Variants in SYNPR observed in about 807,000 individuals in gnomAD.
The protein encoded by SYNPR is synaptoporin.
SYNPR carries 23 observed loss-of-function variants against 32.9 expected under a neutral mutation model. The observed-to-expected ratio is 0.70, with a 90% CI of 0.50 to 0.99. The LOEUF is 0.99. Among genes scored for constraint, SYNPR ranks in the 50% least tolerant of loss-of-function variants. The pLI is 0.00. For synonymous variants in SYNPR, 146 were observed against 135.9 expected (o/e 1.07, Z -0.52); for missense variants, 318 against 349.3 (o/e 0.91, Z 0.71).
At chr3:63,582,962 A>G (rs1703118347) in intron 4 of SYNPR, among the ~76,000 whole-genome samples, 2 of 151,916 alleles carry the variant, frequency 1.3e-5, no homozygotes, top group African/African-American at 4.8e-5. Flanking sequence ...TGTGTGAGCA[A>G]CAAGGCTGTT....
intron 3 of SYNPR, among the ~76,000 whole-genome samples, chr3:63,553,412 G>A (rs999460189): frequency 1.3e-4 from 20 of 152,144 alleles, no homozygotes; most frequent in African/African-American, 3.6e-4. Flanking sequence ...CAAGTGCATG[G>A]GTCTTTTTGG....
intron 2 of SYNPR, among the ~76,000 whole-genome samples, chr3:63,418,604 G>A (rs997047027): frequency 2.0e-5 from 3 of 152,300 alleles, no homozygotes; most frequent in Middle Eastern, 3.4e-3. Flanking sequence ...ACAGTTCCAC[G>A]TGACTGGGGA....
chr3:63,603,917 G>T (rs1341525119), intron 4 of SYNPR, among the ~76,000 whole-genome samples: 1 of 152,114 alleles, frequency 6.6e-6, no homozygotes, highest in Non-Finnish European at 1.5e-5. Context: ...AATAGTTTTG[G>T]TAGGAATGGT....
chr3:63,296,382 C>T (rs543927647), intron 2 of SYNPR, among the ~76,000 whole-genome samples: 1 of 152,308 alleles, frequency 6.6e-6, no homozygotes, highest in African/African-American at 2.4e-5. Flanking sequence ...GTTCCTTCCG[C>T]ACCACAGCAT....
intron 2 of SYNPR, among the ~76,000 whole-genome samples, chr3:63,400,280 C>T (rs1377949337): frequency 6.6e-6 from 1 of 152,196 alleles, no homozygotes; most frequent in Non-Finnish European, 1.5e-5. Context: ...CAGCAATAGA[C>T]ATTTATTATC....
At chr3:63,530,928 G>A (rs1702102078) in intron 3 of SYNPR, among the ~76,000 whole-genome samples, 1 of 152,140 alleles carries the variant, frequency 6.6e-6, no homozygotes. Context: ...AGGCTTTGTG[G>A]GGGAGTTTTC....
At chr3:63,340,260 G>A (rs745333464) in intron 2 of SYNPR, among the ~76,000 whole-genome samples, 25 of 151,988 alleles carry the variant, frequency 1.6e-4, no homozygotes, top group Non-Finnish European at 2.2e-4. Context: ...TATGAATGAA[G>A]CTGCTATCAA....
intron 2 of SYNPR, among the ~76,000 whole-genome samples, chr3:63,313,832 TCC>T (rs1243125926): frequency 2.1e-5 from 1 of 47,514 alleles, no homozygotes; most frequent in African/African-American, 1.0e-4. Context: ...CATATATATA[TCC>T]ATATATATAT....
intron 2 of SYNPR, among the ~76,000 whole-genome samples, chr3:63,401,002 A>AC (rs749825707): frequency 1.3e-5 from 2 of 152,166 alleles, no homozygotes; most frequent in Non-Finnish European, 2.9e-5. Flanking sequence ...GGCAAAGGCA[A>AC]CATGGGGGTA....
Position 63,315,309 on chromosome 3 carries a change from T to G in SYNPR, c.84+36567T>G, listed in dbSNP as rs1463542178. Among the ~76,000 whole-genome samples, 5 of 152,220 alleles carry G rather than the reference T, an allele frequency of 3.3e-5. No individual in the cohort carries two copies. The East Asian group carries it at 5.8e-4, about 18-fold the overall frequency. On this transcript the variant is annotated intron_variant, in intron 2 of 5. Transcript: ENST00000478300. The stretch of plus-strand genomic sequence containing the variant: ...ATTTTGATGAGGATTGCATTGAATT[T>G]GTAGATTGCTTTTGGCAGTATGGTA...
At chr3:63,244,644 C>T (rs1043381643) in intron 1 of SYNPR, among the ~76,000 whole-genome samples, 3 of 152,188 alleles carry the variant, frequency 2.0e-5, no homozygotes, top group Admixed American at 1.3e-4. Context: ...TCTTTTCATG[C>T]AAAGGCACTG....
At chr3:63,324,466 G>T (rs572343455) in intron 2 of SYNPR, among the ~76,000 whole-genome samples, 1 of 152,112 alleles carries the variant, frequency 6.6e-6, no homozygotes, top group East Asian at 1.9e-4. Context: ...GGCTTTTGGA[G>T]GATTAATCTG....
chr3:63,574,227 G>A (rs898306980), intron 4 of SYNPR, among the ~76,000 whole-genome samples: 1 of 152,126 alleles, frequency 6.6e-6, no homozygotes, highest in African/African-American at 2.4e-5. Flanking sequence ...ATGATACAGA[G>A]TGAAATTTAT....
At chr3:63,225,384 G>C (rs922250998), upstream of SYNPR, among the ~76,000 whole-genome samples, 1 of 152,168 alleles carries the variant, frequency 6.6e-6, no homozygotes, top group African/African-American at 2.4e-5. Context: ...CAACAGTGGA[G>C]AGATTCTCAC....
At chr3:63,316,001 T>C (rs2087039571) in intron 2 of SYNPR, among the ~76,000 whole-genome samples, 1 of 152,086 alleles carries the variant, frequency 6.6e-6, no homozygotes, top group South Asian at 2.1e-4. Context: ...GATGATTGTG[T>C]TATTTTTGTT....
intron 2 of SYNPR, among the ~76,000 whole-genome samples, chr3:63,379,056 T>C (rs2087931835): frequency 6.6e-6 from 1 of 152,318 alleles, no homozygotes; most frequent in African/African-American, 2.4e-5. Flanking sequence ...TTTTTGAAAA[T>C]CATAAATGTA....
At chr3:63,343,415 C>T (rs902610425) in intron 2 of SYNPR, among the ~76,000 whole-genome samples, 1 of 152,176 alleles carries the variant, frequency 6.6e-6, no homozygotes, top group Non-Finnish European at 1.5e-5. Flanking sequence ...GCAGTGTTCT[C>T]TGTAAGAGGG....
At chr3:63,335,025 A>T (rs1431581807) in intron 2 of SYNPR, among the ~76,000 whole-genome samples, 3 of 152,158 alleles carry the variant, frequency 2.0e-5, no homozygotes. Context: ...AACTGTTAAT[A>T]GGTTGATGCA....
intron 3 of SYNPR, among the ~76,000 whole-genome samples, chr3:63,493,769 T>G (rs1701302073): frequency 7.9e-6 from 1 of 125,924 alleles, no homozygotes; most frequent in African/African-American, 3.1e-5. Flanking sequence ...TGAGCCAAGA[T>G]CACACCACTG....
Sources: gnomAD v4.1 joint callset for allele counts (sites outside exome capture counted in the v4.1 genomes callset) on GRCh38, gnomAD v4.1.1 for gene constraint, MANE v1.5 for transcripts, NCBI Gene and HGNC (gene_info 2026-07-23, HGNC 2026-07-21) for gene names.